Variants in ERC1 observed in about 807,000 individuals in gnomAD.
ERC1 encodes the protein RAB6 interacting protein 2.
Under a neutral mutation model 132.0 loss-of-function variants are expected in ERC1, and 56 were observed. The ratio of observed to expected loss-of-function variants is 0.42; its 90% confidence interval spans 0.34 to 0.53. The LOEUF is 0.53. ERC1 is among the 20% of genes least tolerant of loss of function. The pLI, the probability that ERC1 is intolerant of heterozygous loss-of-function variation, is 0.03. For synonymous variants in ERC1, 478 were observed against 476.1 expected (o/e 1.00, Z -0.05); for missense variants, 1,202 against 1,349.9 (o/e 0.89, Z 1.72).
intron 15 of ERC1, among the ~76,000 whole-genome samples, chr12:1,341,316 C>G (rs138158130): frequency 6.6e-6 from 1 of 151,554 alleles, no homozygotes. Context: ...AAGATGGTCT[C>G]GATCTCCTGA....
intron 16 of ERC1, among the ~76,000 whole-genome samples, chr12:1,394,490 T>A (rs898973050): frequency 3.9e-5 from 6 of 152,186 alleles, no homozygotes; most frequent in African/African-American, 1.4e-4. Flanking sequence ...AGTGATATGG[T>A]TTGGCTTTGT....
intron 2 of ERC1, among the ~76,000 whole-genome samples, chr12:1,058,736 A>G (rs1306259444): frequency 6.9e-6 from 1 of 145,722 alleles, no homozygotes; most frequent in African/African-American, 2.5e-5. Flanking sequence ...GAAGAATATC[A>G]TTGATATTTT....
chr12:1,246,227 T>G (rs2154310585), intron 13 of ERC1, among the ~76,000 whole-genome samples: 1 of 152,234 alleles, frequency 6.6e-6, no homozygotes, highest in Admixed American at 6.5e-5. Context: ...AATTGCAAAA[T>G]TTTGAAAACC....
At chr12:1,315,277 A>G (rs538666972) in intron 15 of ERC1, among the ~76,000 whole-genome samples, 1 of 152,132 alleles carries the variant, frequency 6.6e-6, no homozygotes, top group Non-Finnish European at 1.5e-5. Context: ...TCGGCCTTCC[A>G]AAGTGCTGGG....
rs189375946 is a variant in ERC1 at position 1,287,396 on chromosome 12, G to A, written c.2620-2456G>A. Among the ~76,000 whole-genome samples, 142 of 152,282 alleles carry A rather than the reference G, an allele frequency of 9.3e-4. 1 individual carries two copies. The highest frequency in any genetic ancestry group is 3.0e-3 in the African/African-American group (126 of 41,556). On this transcript the variant is annotated intron_variant, in intron 14 of 18. Coordinates refer to ENST00000360905, the MANE Select transcript of ERC1 (RefSeq NM_178040.4). ...TTTATATGTTGACTTGACTGGCTAC[G>A]GGGTGCCCGGATACTTGCTCCGACA...
chr12:1,185,815 A>G (rs1955029334), intron 11 of ERC1, among the ~76,000 whole-genome samples: 1 of 151,772 alleles, frequency 6.6e-6, no homozygotes, highest in Non-Finnish European at 1.5e-5. Flanking sequence ...GAGACTTTGG[A>G]AACTGTTTGC....
intron 7 of ERC1, among the ~76,000 whole-genome samples, chr12:1,117,982 T>C (rs1355451697): frequency 6.6e-6 from 1 of 152,238 alleles, no homozygotes; most frequent in African/African-American, 2.4e-5. Context: ...GTATGTGAGA[T>C]ATTTAATACA....
Position 1,079,142 on chromosome 12 carries a change from T to C in ERC1, c.670-4022T>C, listed in dbSNP as rs552409778. Among the ~76,000 whole-genome samples the C allele has an allele frequency of 4.4e-4, 59 of 135,280 alleles. 6 individuals carry two copies. Among genetic ancestry groups the C allele is most frequent in the South Asian group, 2.1e-3 (9 of 4,248 alleles). The allele number at this position is 135,280 out of a possible 152,430, so 88.7% of individuals were successfully genotyped here. ...ATACATATAGAAATGATTTGTAATA[T>C]GACAAGTCGATATACAGAGATACAG... is the stretch of plus-strand genomic sequence containing the variant. On this transcript the variant is annotated intron_variant, in intron 2 of 18. Coordinates refer to ENST00000360905, the MANE Select transcript of ERC1 (RefSeq NM_178040.4).
intron 3 of ERC1, among the ~76,000 whole-genome samples, chr12:1,100,171 T>C (rs529279806): frequency 6.6e-6 from 1 of 152,038 alleles, no homozygotes; most frequent in South Asian, 2.1e-4. Flanking sequence ...TTGAACAGAC[T>C]TCAACAGTTA....
intron 17 of ERC1, among the ~76,000 whole-genome samples, chr12:1,409,937 G>A (rs140704911): frequency 0.011 from 1,618 of 152,092 alleles, 20 homozygotes; most frequent in African/African-American, 0.037. Flanking sequence ...TCAAACTCCT[G>A]ACCTCAGGTG....
chr12:1,315,593 C>T (rs947172219), intron 15 of ERC1, among the ~76,000 whole-genome samples: 5 of 152,066 alleles, frequency 3.3e-5, no homozygotes, highest in African/African-American at 9.7e-5. Flanking sequence ...TCAGGGGATC[C>T]GCACTTTTGG....
At chr12:1,019,492 A>G (rs1966009129) in intron 1 of ERC1, among the ~76,000 whole-genome samples, 1 of 152,210 alleles carries the variant, frequency 6.6e-6, no homozygotes, top group Admixed American at 6.5e-5. Context: ...ATATTATCAC[A>G]TGTCATGTAG....
intron 12 of ERC1, among the ~76,000 whole-genome samples, chr12:1,221,378 T>C (rs1958969110): frequency 1.3e-5 from 2 of 152,198 alleles, no homozygotes; most frequent in Non-Finnish European, 2.9e-5. Context: ...ATTAGTGTAG[T>C]AGTGAGAATA....
intron 17 of ERC1, among the ~76,000 whole-genome samples, chr12:1,424,809 A>C (rs1457861164): frequency 7.8e-6 from 1 of 127,832 alleles, no homozygotes; most frequent in African/African-American, 2.9e-5. Context: ...ATAGATAGAT[A>C]GATAGATAGA....
chr12:1,241,620 G>T (rs1241518677), intron 13 of ERC1, among the ~76,000 whole-genome samples: 1 of 151,850 alleles, frequency 6.6e-6, no homozygotes, highest in East Asian at 1.9e-4. Context: ...AATGTTCATT[G>T]CTTTAATGCA....
chr12:1,255,135 C>T (rs1349277819), intron 13 of ERC1, among the ~76,000 whole-genome samples: 3 of 150,550 alleles, frequency 2.0e-5, no homozygotes, highest in African/African-American at 7.3e-5. Flanking sequence ...GTGATGTTCT[C>T]CTCCCTGTGT....
Position 1,490,769 on chromosome 12 carries a change from T to G in ERC1, c.*539T>G. On this transcript the variant is annotated 3_prime_UTR_variant, in exon 19 of 19. Coordinates refer to ENST00000360905, the MANE Select transcript of ERC1 (RefSeq NM_178040.4). ...AGAAAATCGACTCTTCTTTTTACTG[T>G]CTCTTCTGCTTACTTTCCACATGAG... is the stretch of plus-strand genomic sequence containing the variant. 4.3e-6 allele frequency: 1 copy of G among 234,320 alleles called. No individual in the cohort carries two copies. Among genetic ancestry groups the G allele is most frequent in the African/African-American group, 2.2e-5 (1 of 45,454 alleles). The allele number at this position is 234,320 out of a possible 1,614,324, so 14.5% of individuals were successfully genotyped here.
chr12:1,137,100 C>CTT (rs944757047), intron 7 of ERC1, among the ~76,000 whole-genome samples: 2,079 of 122,848 alleles, frequency 0.017, 71 homozygotes, highest in African/African-American at 0.05. Context: ...TTTTTCTTTT[C>CTT]TTTTTTTTTT....
chr12:1,266,605 A>G (rs1394827869), intron 14 of ERC1, among the ~76,000 whole-genome samples: 1 of 151,598 alleles, frequency 6.6e-6, no homozygotes, highest in Non-Finnish European at 1.5e-5. Context: ...GGGTTTCACC[A>G]TGTTGGCCAG....
Sources: allele counts gnomAD v4.1 joint callset (sites outside exome capture counted in the v4.1 genomes callset), GRCh38; gene constraint gnomAD v4.1.1; transcripts MANE v1.5; gene names NCBI Gene and HGNC (gene_info 2026-07-23, HGNC 2026-07-21).